Variants in UGT1A4 observed in about 807,000 individuals in gnomAD.
The protein encoded by UGT1A4 is UDP-glucuronosyltransferase 1A4.
A neutral mutation model predicts 41.1 loss-of-function variants in UGT1A4; 32 were observed. The observed-to-expected ratio is 0.78, with a 90% CI of 0.59 to 1.05. The LOEUF is 1.05. UGT1A4 is among the 50% of genes least tolerant of loss of function. The probability of loss-of-function intolerance (pLI) is 0.00; values close to 1 mark genes in which losing one functional copy is unlikely to be tolerated. For synonymous variants in UGT1A4, 283 were observed against 265.1 expected, an observed-to-expected ratio of 1.07 and a Z score of -0.66; for missense variants, 748 against 677.4, an observed-to-expected ratio of 1.10 and a Z score of -1.16.
At chr2:233,751,284 C>T (rs2125910404) in intron 1 of UGT1A4, among the ~76,000 whole-genome samples, 1 of 152,008 alleles carries the variant, frequency 6.6e-6, no homozygotes, top group East Asian at 1.9e-4. Flanking sequence ...CCAGTTTCTC[C>T]CATTTGGAAT....
At chr2:233,761,114 G>A (rs570314042) in intron 1 of UGT1A4, 1 of 1,614,204 alleles carries the variant, frequency 6.2e-7, no homozygotes, top group South Asian at 1.1e-5. Context: ...GTTTTTGTTG[G>A]TGGAATCAAC....
intron 1 of UGT1A4, chr2:233,748,079 G>C: frequency 6.2e-7 from 1 of 1,613,192 alleles, no homozygotes; most frequent in Non-Finnish European, 8.5e-7. Context: ...CACTATCTCA[G>C]GTCGGTGTTC....
At chr2:233,751,693 G>A (rs1694787580) in intron 1 of UGT1A4, among the ~76,000 whole-genome samples, 1 of 152,146 alleles carries the variant, frequency 6.6e-6, no homozygotes, top group Non-Finnish European at 1.5e-5. Flanking sequence ...GGTTTTATAA[G>A]GGGCTCTTCC....
rs45586035 is a variant in UGT1A4, at chr2:233,729,636, G to GT, written c.867+9957dup. 7.6e-4 allele frequency: 1,222 copies of GT among 1,613,576 alleles called. 6 individuals are homozygous for GT. The African/African-American group carries it at 1.0e-2, about 13-fold the overall frequency. On this transcript the variant is annotated intron_variant, in intron 1 of 4. Coordinates refer to ENST00000373409, the MANE Select transcript of UGT1A4 (RefSeq NM_007120.3). ...CTAAGTACCTGTCGATTCCTACTGT[G>GT]TTTTTTTTGAGGAACATTCCATGTG...
In UGT1A4 at chr2:233,749,724, G is replaced by A. The variant is rs575391114; in HGVS notation, c.868-17310G>A. Among the ~76,000 whole-genome samples the A allele has an allele frequency of 6.1e-4, 93 of 151,922 alleles. 2 individuals are homozygous for A. The highest frequency in any genetic ancestry group is 1.9e-3 in the African/African-American group (77 of 41,238). On this transcript the variant is annotated intron_variant, in intron 1 of 4. Coordinates refer to ENST00000373409, the MANE Select transcript of UGT1A4 (RefSeq NM_007120.3). ...GTGATTGGATCATGGGGGCAGTTTC[G>A]CACCTGCTGGTCTCATCATAGTGAG...
chr2:233,747,491 G>A, intron 1 of UGT1A4: 2 of 1,608,968 alleles, frequency 1.2e-6, no homozygotes, highest in South Asian at 2.2e-5. Flanking sequence ...ATCGCCTTGT[G>A]CTGGGCCACA....
intron 1 of UGT1A4, chr2:233,740,628 A>G (rs1368948290): frequency 1.3e-5 from 2 of 151,808 alleles, no homozygotes; most frequent in Non-Finnish European, 2.9e-5. Flanking sequence ...TCACAGGGTC[A>G]TGCCTTTCCT....
intron 1 of UGT1A4, among the ~76,000 whole-genome samples, chr2:233,735,339 T>G (rs1056442673): frequency 6.6e-6 from 1 of 151,862 alleles, no homozygotes; most frequent in Non-Finnish European, 1.5e-5. Context: ...AACCCCTGCT[T>G]TTTTTTTGCT....
intron 1 of UGT1A4, among the ~76,000 whole-genome samples, chr2:233,744,866 G>A (rs1299036461): frequency 1.3e-4 from 20 of 151,914 alleles, no homozygotes; most frequent in Non-Finnish European, 1.5e-4. Context: ...TATTCTGAAG[G>A]GATTAGTTTA....
chr2:233,734,656 T>C (rs2078546605), intron 1 of UGT1A4, among the ~76,000 whole-genome samples: 1 of 152,258 alleles, frequency 6.6e-6, no homozygotes, highest in African/African-American at 2.4e-5. Flanking sequence ...GATTTAATGC[T>C]ATAAATTTCC....
intron 1 of UGT1A4, chr2:233,722,095 C>CCTG: frequency 9.6e-6 from 2 of 207,736 alleles, no homozygotes; most frequent in South Asian, 8.3e-5. Context: ...CACCTTAGGC[C>CCTG]TCTTAGAGGA....
Position 233,757,535 on chromosome 2 carries a change from A to AATATATATACATATACATATAT in UGT1A4, c.868-9490_868-9489insCATATACATATATATATATATA, listed in dbSNP as rs376887521. Among the ~76,000 whole-genome samples, 172 of 87,958 alleles carry AATATATATACATATACATATAT rather than the reference A, an allele frequency of 2.0e-3. 2 individuals carry two copies. The highest frequency in any genetic ancestry group is 3.2e-3 in the South Asian group (6 of 1,904). The allele number at this position is 87,958 out of a possible 152,430, so 57.7% of individuals were successfully genotyped here. On this transcript the variant is annotated intron_variant, in intron 1 of 4. Coordinates refer to ENST00000373409, the MANE Select transcript of UGT1A4 (RefSeq NM_007120.3). ...CAAAGCCAAAATCTTGCCTGTAAGG[A>AATATATATACATATACATATAT]ATATATATATATATATATATATATA... is the stretch of plus-strand genomic sequence containing the variant.
chr2:233,746,942 A>C (rs1693513672), intron 1 of UGT1A4, among the ~76,000 whole-genome samples: 1 of 151,778 alleles, frequency 6.6e-6, no homozygotes, highest in South Asian at 2.1e-4. Context: ...ATTGGATGAG[A>C]AACAAGAGCT....
chr2:233,765,443 C>A (rs1381375490), intron 1 of UGT1A4, among the ~76,000 whole-genome samples: 1 of 152,114 alleles, frequency 6.6e-6, no homozygotes, highest in Non-Finnish European at 1.5e-5. Flanking sequence ...GGAATGAGAT[C>A]ATATTCTTTG....
At position 233,768,454 on chromosome 2, in the gene UGT1A4, A is replaced by C; in HGVS notation, c.1307+15A>C. The stretch of plus-strand genomic sequence containing the variant: ...AATGACAAAAGGTAAGAAAGAAGAT[A>C]CAGAAGAATACTTTGGTCATGGCAT... On this transcript the variant is annotated intron_variant, in intron 4 of 4. Coordinates refer to ENST00000373409, the MANE Select transcript of UGT1A4 (RefSeq NM_007120.3). The C allele has an allele frequency of 6.2e-7, 1 of 1,610,684 alleles. No individual in the cohort carries two copies.
intron 1 of UGT1A4, among the ~76,000 whole-genome samples, chr2:233,733,033 T>G (rs202002745): frequency 2.0e-5 from 3 of 152,098 alleles, no homozygotes; most frequent in Non-Finnish European, 4.4e-5. Context: ...CACATCCCTT[T>G]TAAGTTGGAT....
In UGT1A4 at chr2:233,769,637, G is replaced by T; in HGVS notation, c.1307+1198G>T. On this transcript the variant is annotated intron_variant, in intron 4 of 4. Transcript: ENST00000373409. The surrounding 1 kb of genome is among the most constrained non-coding windows in gnomAD (Gnocchi z 4.4). ...GCTTGAGCAAGGGACAACAGGGGAG[G>T]ACTGATGACTGACTTCCCACCTTTG... is the stretch of plus-strand genomic sequence containing the variant. The T allele has an allele frequency of 1.2e-6, 2 of 1,610,100 alleles. No homozygotes were observed. The highest frequency in any genetic ancestry group is 2.2e-5 in the South Asian group (2 of 90,570).
chr2:233,736,955 C>T (rs954996490), intron 1 of UGT1A4, among the ~76,000 whole-genome samples: 6 of 152,190 alleles, frequency 3.9e-5, no homozygotes, highest in African/African-American at 1.2e-4. Context: ...TCTGTTGGCC[C>T]CTACTGGGAG....
chr2:233,733,904 C>T (rs1479410673), intron 1 of UGT1A4, among the ~76,000 whole-genome samples: 1 of 151,462 alleles, frequency 6.6e-6, no homozygotes, highest in Non-Finnish European at 1.5e-5. Context: ...TTGTACCTCT[C>T]TGGTAGAATT....
Sources: gnomAD v4.1 joint callset for allele counts (sites outside exome capture counted in the v4.1 genomes callset) on GRCh38, gnomAD v4.1.1 for gene constraint, Gnocchi (gnomAD v3.1) non-coding constraint, MANE v1.5 for transcripts, NCBI Gene and HGNC (gene_info 2026-07-23, HGNC 2026-07-21) for gene names.